Variants in CMSS1 observed in about 807,000 individuals in gnomAD.
The protein encoded by CMSS1 is cms1 ribosomal small subunit homolog, also known as protein CMSS1.
CMSS1 carries 33 observed loss-of-function variants against 43.5 expected under a neutral mutation model. The observed-to-expected ratio is 0.76, with a 90% CI of 0.57 to 1.01. The LOEUF is 1.01. CMSS1 is among the 50% of genes least tolerant of loss of function. CMSS1 has a pLI of 0.00. For synonymous variants in CMSS1, 115 were observed against 117.2 expected (o/e 0.98, Z 0.12); for missense variants, 313 against 326.4 (o/e 0.96, Z 0.32).
chr3:99,854,448 A>G (rs1943854797), intron 1 of CMSS1, among the ~76,000 whole-genome samples: 1 of 152,166 alleles, frequency 6.6e-6, no homozygotes, highest in Admixed American at 6.5e-5. Flanking sequence ...CAGATCTAAA[A>G]TTCATTCCCT....
chr3:99,839,665 T>G (rs1193989738), intron 1 of CMSS1, among the ~76,000 whole-genome samples: 1 of 152,218 alleles, frequency 6.6e-6, no homozygotes, highest in Non-Finnish European at 1.5e-5. Flanking sequence ...TAGTTTAGAA[T>G]TCAGGTATCT....
intron 1 of CMSS1, among the ~76,000 whole-genome samples, chr3:99,914,739 G>A (rs1706899155): frequency 6.6e-6 from 1 of 152,100 alleles, no homozygotes; most frequent in Non-Finnish European, 1.5e-5. Flanking sequence ...TAATCAGAAA[G>A]GCATAAAAAT....
chr3:99,821,772 T>C (rs184606973), intron 1 of CMSS1, among the ~76,000 whole-genome samples: 166 of 151,926 alleles, frequency 1.1e-3, no homozygotes, highest in African/African-American at 3.8e-3. Context: ...CAGTTGAAAA[T>C]GTCACTTGAG....
intron 2 of CMSS1, among the ~76,000 whole-genome samples, chr3:100,150,246 G>T (rs1018976257): frequency 6.6e-6 from 1 of 152,172 alleles, no homozygotes; most frequent in African/African-American, 2.4e-5. Context: ...GGTTTCTTTT[G>T]TGTCCACTAT....
chr3:99,939,501 TGC>T (rs1464565482), intron 1 of CMSS1, among the ~76,000 whole-genome samples: 4 of 152,354 alleles, frequency 2.6e-5, no homozygotes, highest in African/African-American at 9.6e-5. Context: ...ATTTTGATTG[TGC>T]CCCTTCAGCC....
At chr3:100,100,266 CA>C (rs1367704538) in intron 1 of CMSS1, among the ~76,000 whole-genome samples, 2 of 152,094 alleles carry the variant, frequency 1.3e-5, no homozygotes, top group Admixed American at 6.5e-5. Flanking sequence ...AGAGATAGAA[CA>C]GGACTTAGAA....
intron 1 of CMSS1, among the ~76,000 whole-genome samples, chr3:99,978,066 G>C (rs36077012): frequency 0.067 from 10,169 of 151,988 alleles, 407 homozygotes; most frequent in Middle Eastern, 0.086. Context: ...AGCAATGAAC[G>C]TTTCAAAAGA....
intron 1 of CMSS1, among the ~76,000 whole-genome samples, chr3:99,847,653 G>A (rs1943427674): frequency 6.6e-6 from 1 of 152,032 alleles, no homozygotes; most frequent in East Asian, 1.9e-4. Flanking sequence ...ACTGTGCTGG[G>A]CTCTTAGAGA....
chr3:100,065,946 G>A (rs1362219831), intron 1 of CMSS1, among the ~76,000 whole-genome samples: 3 of 152,164 alleles, frequency 2.0e-5, no homozygotes, highest in Non-Finnish European at 4.4e-5. Context: ...AAAGTATTAG[G>A]CCCCACACTG....
chr3:99,907,872 T>C (rs1280843954), intron 1 of CMSS1, among the ~76,000 whole-genome samples: 2 of 152,198 alleles, frequency 1.3e-5, no homozygotes, highest in Non-Finnish European at 2.9e-5. Flanking sequence ...ACCTGAATGC[T>C]TTTCTCCTCC....
chr3:99,966,183 T>G (rs1056134586), intron 1 of CMSS1, among the ~76,000 whole-genome samples: 1 of 152,202 alleles, frequency 6.6e-6, no homozygotes, highest in Admixed American at 6.5e-5. Flanking sequence ...TTAGATAAGT[T>G]GTTTCTTAAC....
chr3:99,867,997 A>T (rs1944603944), intron 1 of CMSS1, among the ~76,000 whole-genome samples: 1 of 151,940 alleles, frequency 6.6e-6, no homozygotes, highest in Non-Finnish European at 1.5e-5. Context: ...TTCAAAAGAG[A>T]CTCTTTATTG....
At position 100,090,281 on chromosome 3, in the gene CMSS1, G is replaced by A. The variant is rs143140839; in HGVS notation, c.65-56692G>A. Among the ~76,000 whole-genome samples, 536 of 152,280 alleles carry A rather than the reference G, an allele frequency of 3.5e-3. 2 individuals carry two copies. Among genetic ancestry groups the A allele is most frequent in the African/African-American group, 0.012 (510 of 41,552 alleles). Reference sequence around the variant, plus strand: ...TCAAATTTAACTGTCCCGATCTTCTGAGTCTTTAAGATAGTCAAGGGAACA... The same window carrying A: ...TCAAATTTAACTGTCCCGATCTTCTAAGTCTTTAAGATAGTCAAGGGAACA... On this transcript the variant is annotated intron_variant, in intron 1 of 9. Coordinates refer to ENST00000421999, the MANE Select transcript of CMSS1 (RefSeq NM_032359.4).
intron 1 of CMSS1, among the ~76,000 whole-genome samples, chr3:100,073,434 G>C (rs1463200312): frequency 6.6e-6 from 1 of 152,280 alleles, no homozygotes; most frequent in East Asian, 1.9e-4. Context: ...TACAAATAGA[G>C]TAAATGTTGT....
rs114829534 is a variant in CMSS1, at chr3:99,839,359, G to C, written c.64+21316G>C. ...ATTGCATGCTTCATAAATATTTGTT[G>C]GTTCATTCTTGTAGGTGATTGGTTG... On this transcript the variant is annotated intron_variant, in intron 1 of 9. Transcript: ENST00000421999. 4.5e-3 allele frequency among the ~76,000 whole-genome samples: 681 copies of C among 152,198 alleles called. 7 individuals carry two copies. The highest frequency in any genetic ancestry group is 0.016 in the African/African-American group (667 of 41,520).
intron 1 of CMSS1, chr3:100,025,673 C>A (rs1371927386): frequency 6.6e-6 from 1 of 152,080 alleles, no homozygotes; most frequent in African/African-American, 2.4e-5. Context: ...GAGAAACATA[C>A]CAGGTCGTCC....
At chr3:100,052,368 A>G (rs2065388675) in intron 1 of CMSS1, among the ~76,000 whole-genome samples, 1 of 152,206 alleles carries the variant, frequency 6.6e-6, no homozygotes, top group Admixed American at 6.5e-5. Context: ...CCAAAATTCC[A>G]GGGGGAACTT....
chr3:100,166,841 C>T (rs990739835), intron 5 of CMSS1, among the ~76,000 whole-genome samples: 2 of 152,002 alleles, frequency 1.3e-5, no homozygotes, highest in Admixed American at 6.6e-5. Flanking sequence ...TGGGCTCTAG[C>T]GATCCTCCTG....
chr3:99,952,361 C>T (rs1053042793), intron 1 of CMSS1, among the ~76,000 whole-genome samples: 1 of 152,272 alleles, frequency 6.6e-6, no homozygotes, highest in Non-Finnish European at 1.5e-5. Flanking sequence ...ACATTTTCCT[C>T]AGCTGTTCTT....
Sources: gnomAD v4.1 joint callset for allele counts (sites outside exome capture counted in the v4.1 genomes callset) on GRCh38, gnomAD v4.1.1 for gene constraint, MANE v1.5 for transcripts, NCBI Gene and HGNC (gene_info 2026-07-23, HGNC 2026-07-21) for gene names.